Variants in DOK6 observed in about 807,000 individuals in gnomAD.
The protein encoded by DOK6 is downstream of tyrosine kinase 6.
DOK6 carries 22 observed loss-of-function variants against 44.0 expected under a neutral mutation model. That is an observed-to-expected ratio of 0.50 (90% CI 0.36 to 0.71). DOK6 has a LOEUF of 0.71. Ranked by LOEUF, DOK6 falls within the 30% of genes least tolerant of loss-of-function variation. The probability of loss-of-function intolerance (pLI) is 0.00; values close to 1 mark genes in which losing one functional copy is unlikely to be tolerated. For synonymous variants in DOK6, 166 were observed against 145.5 expected (o/e 1.14, Z -1.01); for missense variants, 340 against 416.4 (o/e 0.82, Z 1.60).
At chr18:69,613,279 T>A (rs1048584299) in intron 3 of DOK6, among the ~76,000 whole-genome samples, 1 of 152,162 alleles carries the variant, frequency 6.6e-6, no homozygotes, top group Admixed American at 6.5e-5. Flanking sequence ...GTGTGTAAAA[T>A]TGGTTATGGC....
intron 3 of DOK6, among the ~76,000 whole-genome samples, chr18:69,634,803 G>A (rs1255852367): frequency 6.6e-6 from 1 of 152,020 alleles, no homozygotes; most frequent in Non-Finnish European, 1.5e-5. Context: ...AACAAGACAG[G>A]GTAAGAGTTT....
At chr18:69,640,265 A>G (rs1232600437) in intron 3 of DOK6, among the ~76,000 whole-genome samples, 4 of 152,200 alleles carry the variant, frequency 2.6e-5, no homozygotes, top group Admixed American at 6.5e-5. Flanking sequence ...TTCAAAATAC[A>G]TTCTGAAAAT....
chr18:69,513,547 G>A lies in DOK6; in HGVS notation c.67-50940G>A, dbSNP rs139862298. 6.9e-4 allele frequency among the ~76,000 whole-genome samples: 105 copies of A among 152,308 alleles called. 1 individual carries two copies. The highest frequency in any genetic ancestry group is 3.4e-3 in the Middle Eastern group (1 of 294). On this transcript the variant is annotated intron_variant, in intron 1 of 7. Transcript: ENST00000382713. ...TTTTCTAACCAACATGACATTGCTA[G>A]TGAATTGTATTTACCTGTTGGGTTT...
chr18:69,782,188 T>G (rs1980291006), intron 7 of DOK6, among the ~76,000 whole-genome samples: 1 of 150,374 alleles, frequency 6.7e-6, no homozygotes, highest in African/African-American at 2.5e-5. Flanking sequence ...CAGAACTAAC[T>G]GGAAATTTTA....
At chr18:69,482,878 T>G (rs1221925553) in intron 1 of DOK6, among the ~76,000 whole-genome samples, 1 of 152,000 alleles carries the variant, frequency 6.6e-6, no homozygotes, top group Admixed American at 6.6e-5. Context: ...AAATTATTTA[T>G]TATTCTTTTT....
chr18:69,540,237 A>C (rs1354703241), intron 1 of DOK6, among the ~76,000 whole-genome samples: 5 of 152,224 alleles, frequency 3.3e-5, no homozygotes, highest in African/African-American at 9.6e-5. Flanking sequence ...TGCATTGATT[A>C]GAGATGCCAC....
intron 4 of DOK6, among the ~76,000 whole-genome samples, chr18:69,678,628 G>C (rs1985977681): frequency 6.6e-6 from 1 of 152,122 alleles, no homozygotes; most frequent in African/African-American, 2.4e-5. Flanking sequence ...CTGTTCTCTA[G>C]TTTAACAAGC....
intron 1 of DOK6, among the ~76,000 whole-genome samples, chr18:69,460,458 G>T (rs1257305412): frequency 1.3e-5 from 2 of 152,008 alleles, no homozygotes; most frequent in Non-Finnish European, 2.9e-5. Context: ...TTTTATGCAG[G>T]TGTAGCTAAA....
chr18:69,787,044 C>G (rs1980451588), intron 7 of DOK6, among the ~76,000 whole-genome samples: 1 of 152,080 alleles, frequency 6.6e-6, no homozygotes, highest in South Asian at 2.1e-4. Context: ...GGTGAAAACC[C>G]ATCTCTATCA....
At chr18:69,425,520 T>C (rs1396880109) in intron 1 of DOK6, among the ~76,000 whole-genome samples, 1 of 152,062 alleles carries the variant, frequency 6.6e-6, no homozygotes, top group Non-Finnish European at 1.5e-5. Flanking sequence ...ATGATATATG[T>C]CCTTTTTAAG....
At chr18:69,610,082 C>G (rs1984101247) in intron 3 of DOK6, among the ~76,000 whole-genome samples, 1 of 152,244 alleles carries the variant, frequency 6.6e-6, no homozygotes, top group South Asian at 2.1e-4. Context: ...ATCTTCTGTA[C>G]AACATGGCAC....
intron 7 of DOK6, among the ~76,000 whole-genome samples, chr18:69,778,511 A>G (rs1251442863): frequency 6.6e-6 from 1 of 152,224 alleles, no homozygotes; most frequent in African/African-American, 2.4e-5. Flanking sequence ...AAGTTAACTC[A>G]GATGTTTGAG....
intron 7 of DOK6, among the ~76,000 whole-genome samples, chr18:69,810,028 A>G (rs946904678): frequency 3.9e-5 from 6 of 152,056 alleles, no homozygotes; most frequent in Admixed American, 3.9e-4. Flanking sequence ...TAGCCAAAGT[A>G]ATGTTGAACA....
intron 1 of DOK6, among the ~76,000 whole-genome samples, chr18:69,500,781 T>A (rs930846424): frequency 6.6e-6 from 1 of 152,178 alleles, no homozygotes; most frequent in Non-Finnish European, 1.5e-5. Context: ...TTAATTTCAG[T>A]CAATATAGTT....
intron 1 of DOK6, among the ~76,000 whole-genome samples, chr18:69,409,276 C>T (rs998451662): frequency 6.6e-6 from 1 of 152,174 alleles, no homozygotes; most frequent in Non-Finnish European, 1.5e-5. Flanking sequence ...ATAAATTACC[C>T]AGTCTCTGGT....
intron 3 of DOK6, among the ~76,000 whole-genome samples, chr18:69,650,206 AC>A (rs1220245320): frequency 6.6e-6 from 1 of 152,144 alleles, no homozygotes; most frequent in East Asian, 1.9e-4. Context: ...TTAAAAAAAA[AC>A]GTGGTTGGTT....
intron 1 of DOK6, among the ~76,000 whole-genome samples, chr18:69,537,665 T>C (rs2084567370): frequency 6.6e-6 from 1 of 152,224 alleles, no homozygotes; most frequent in Admixed American, 6.5e-5. Context: ...TACACAAATA[T>C]GCAAACTTCT....
chr18:69,739,166 A>G, intron 6 of DOK6, 63 bp downstream of exon 6: 3 of 1,597,660 alleles, frequency 1.9e-6, no homozygotes, highest in Non-Finnish European at 2.6e-6. Context: ...TCTGATGTAC[A>G]CTGTGTATGT....
At chr18:69,631,462 A>G (rs546134952) in intron 3 of DOK6, among the ~76,000 whole-genome samples, 2 of 152,190 alleles carry the variant, frequency 1.3e-5, no homozygotes, top group Non-Finnish European at 2.9e-5. Flanking sequence ...ACCTAACATG[A>G]AACTCCAACT....
Sources: gnomAD v4.1 joint callset for allele counts (sites outside exome capture counted in the v4.1 genomes callset) on GRCh38, gnomAD v4.1.1 for gene constraint, MANE v1.5 for transcripts, NCBI Gene and HGNC (gene_info 2026-07-23, HGNC 2026-07-21) for gene names.